The following RIMS1 variants were observed in gnomAD, a reference collection of about 807,000 sequenced individuals.
RIMS1 encodes the protein regulating synaptic membrane exocytosis 1.
A neutral mutation model predicts 214.1 loss-of-function variants in RIMS1; 83 were observed. The ratio of observed to expected loss-of-function variants is 0.39; its 90% confidence interval spans 0.32 to 0.47. RIMS1 has a LOEUF of 0.47. Ranked by LOEUF, RIMS1 falls within the 20% of genes least tolerant of loss-of-function variation. The pLI, the probability that RIMS1 is intolerant of heterozygous loss-of-function variation, is 0.99. For synonymous variants in RIMS1, 793 were observed against 786.8 expected (o/e 1.01, Z -0.13); for missense variants, 2,050 against 2,161.8 (o/e 0.95, Z 1.03).
intron 2 of RIMS1, among the ~76,000 whole-genome samples, chr6:72,006,229 A>T (rs1468699067): frequency 1.3e-5 from 2 of 152,130 alleles, no homozygotes; most frequent in Non-Finnish European, 2.9e-5. Context: ...CCTATTGGGG[A>T]TTAATATTTC....
At chr6:72,259,217 A>C in intron 18 of RIMS1, 106 bp downstream of exon 18, 1 of 834,136 alleles carries the variant, frequency 1.2e-6, no homozygotes, top group Non-Finnish European at 1.8e-6. Flanking sequence ...TTTATCACTC[A>C]AAAATGAGCT....
At chr6:72,270,330 A>G (rs1004768933) in intron 22 of RIMS1, among the ~76,000 whole-genome samples, 14 of 152,226 alleles carry the variant, frequency 9.2e-5, no homozygotes, top group African/African-American at 3.4e-4. Flanking sequence ...CAATAAAAAT[A>G]CATATGTGTG....
At chr6:72,247,895 G>A in intron 11 of RIMS1, 120 bp from the exon 12 acceptor site, 1 of 660,414 alleles carries the variant, frequency 1.5e-6, no homozygotes, top group Non-Finnish European at 2.7e-6. Context: ...CCCATTAAAA[G>A]TAGGTTCTGT....
At chr6:72,365,225 C>A (rs572884323) in intron 29 of RIMS1, among the ~76,000 whole-genome samples, 1 of 152,220 alleles carries the variant, frequency 6.6e-6, no homozygotes, top group African/African-American at 2.4e-5. Flanking sequence ...CATTCTTTTA[C>A]GTTCTTTCTC....
At chr6:71,929,066 G>C (rs1235219510) in intron 1 of RIMS1, among the ~76,000 whole-genome samples, 1 of 152,112 alleles carries the variant, frequency 6.6e-6, no homozygotes, top group Admixed American at 6.6e-5. Flanking sequence ...AAAGTAAAGA[G>C]AGAAATTGCA....
chr6:72,145,610 C>CA (rs200673446), intron 4 of RIMS1, among the ~76,000 whole-genome samples: 28 of 150,560 alleles, frequency 1.9e-4, no homozygotes, highest in East Asian at 1.4e-3. Flanking sequence ...GACTCCATCT[C>CA]AAAAAAAAAT....
At chr6:72,092,068 G>T (rs558711836) in intron 2 of RIMS1, among the ~76,000 whole-genome samples, 1 of 152,222 alleles carries the variant, frequency 6.6e-6, no homozygotes, top group African/African-American at 2.4e-5. Flanking sequence ...CCAGTATCTT[G>T]CTTCCAAAGG....
chr6:72,173,502 T>G (rs1001176522), intron 4 of RIMS1, among the ~76,000 whole-genome samples: 1 of 152,126 alleles, frequency 6.6e-6, no homozygotes, highest in African/African-American at 2.4e-5. Flanking sequence ...TTTTATCTCA[T>G]GTGTTTTCTT....
At position 72,259,055 on chromosome 6, in the gene RIMS1, T is replaced by G. The variant is rs746249720; in HGVS notation, c.2997T>G (p.Ser999Arg). The change falls in exon 18 of 34, where the codon AGT (serine) becomes AGG (arginine). Residue 999 changes from serine (S) to arginine (R), a missense_variant. Physicochemically the swap from Ser to Arg is moderately radical, Grantham distance 110 (BLOSUM62 -1). Around this residue, in one of 6 missense-constraint regions of RIMS1, gnomAD observed 889 missense variants for 885.5 expected, o/e 1.00. Coordinates refer to ENST00000521978, the MANE Select transcript of RIMS1 (RefSeq NM_014989.7). ...CCAGACACCATGATGCCTCCCGAAG[T>G]CCAGTTGATCATAGAACCAGAGATG... is the stretch of plus-strand genomic sequence containing the variant. Reference protein sequence around the residue: ...SPTRHHDASRSPVDHRTRDVD... With the variant: ...SPTRHHDASRRPVDHRTRDVD... 1 of 1,612,458 alleles carries G rather than the reference T, an allele frequency of 6.2e-7. No individual in the cohort carries two copies. The highest frequency in any genetic ancestry group is 8.5e-7 in the Non-Finnish European group (1 of 1,178,720).
chr6:72,377,548 A>C (rs866351000), intron 29 of RIMS1, among the ~76,000 whole-genome samples: 2 of 152,172 alleles, frequency 1.3e-5, no homozygotes, highest in Non-Finnish European at 2.9e-5. Context: ...GGGCAGAGCA[A>C]GACCCTTGAA....
chr6:72,198,213 C>T (rs2051314290), intron 6 of RIMS1, among the ~76,000 whole-genome samples: 1 of 151,970 alleles, frequency 6.6e-6, no homozygotes, highest in African/African-American at 2.4e-5. Context: ...AAGTGGCCAT[C>T]GGTGCATGAA....
chr6:72,229,743 G>A (rs1013684011), intron 6 of RIMS1, among the ~76,000 whole-genome samples: 3 of 151,778 alleles, frequency 2.0e-5, no homozygotes, highest in Admixed American at 6.6e-5. Flanking sequence ...GTTTATCTTA[G>A]TTCTTAGACT....
intron 4 of RIMS1, among the ~76,000 whole-genome samples, chr6:72,126,251 T>A (rs2039485307): frequency 6.6e-6 from 1 of 152,166 alleles, no homozygotes; most frequent in Non-Finnish European, 1.5e-5. Flanking sequence ...CCTCACTTCT[T>A]ACCTTAAACA....
intron 26 of RIMS1, among the ~76,000 whole-genome samples, chr6:72,305,268 CTAAG>C (rs2095044632): frequency 6.6e-6 from 1 of 152,010 alleles, no homozygotes; most frequent in Non-Finnish European, 1.5e-5. Context: ...TTATCCGTGT[CTAAG>C]TAACCATCTA....
intron 4 of RIMS1, among the ~76,000 whole-genome samples, chr6:72,122,646 A>G (rs2038651169): frequency 6.6e-6 from 1 of 151,720 alleles, no homozygotes; most frequent in Non-Finnish European, 1.5e-5. Context: ...TATTGCCTCA[A>G]TTTCAGAGCC....
intron 2 of RIMS1, among the ~76,000 whole-genome samples, chr6:72,000,909 T>A (rs1207346816): frequency 6.6e-5 from 10 of 151,556 alleles, no homozygotes; most frequent in African/African-American, 9.7e-5. Flanking sequence ...ACTTCTCAAA[T>A]TTTTTTTTAA....
intron 2 of RIMS1, among the ~76,000 whole-genome samples, chr6:71,996,927 T>G (rs1323563577): frequency 1.3e-5 from 2 of 152,236 alleles, no homozygotes; most frequent in African/African-American, 4.8e-5. Flanking sequence ...TTATAATTGA[T>G]AGGTAATAAC....
At chr6:72,060,834 A>G (rs1585993030) in intron 2 of RIMS1, among the ~76,000 whole-genome samples, 2 of 152,180 alleles carry the variant, frequency 1.3e-5, no homozygotes, top group South Asian at 4.1e-4. Context: ...GCTTTTTTCA[A>G]CTACTGGACA....
At chr6:72,248,852 T>C (rs1223961376) in intron 12 of RIMS1, among the ~76,000 whole-genome samples, 1 of 152,224 alleles carries the variant, frequency 6.6e-6, no homozygotes, top group African/African-American at 2.4e-5. Context: ...GTAAGCTTAT[T>C]GCTCAAGGGC....
Sources: allele counts gnomAD v4.1 joint callset (sites outside exome capture counted in the v4.1 genomes callset), GRCh38; gene constraint gnomAD v4.1.1; regional missense constraint gnomAD v4.1.1; transcripts MANE v1.5; gene names NCBI Gene and HGNC (gene_info 2026-07-23, HGNC 2026-07-21).